Variants in ZNF112 observed in about 807,000 individuals in gnomAD.
ZNF112 encodes zinc finger protein 112 (Y14).
ZNF112 carries 37 observed loss-of-function variants against 77.7 expected under a neutral mutation model. The ratio of observed to expected loss-of-function variants is 0.48; its 90% CI spans 0.37 to 0.63. ZNF112 has a LOEUF of 0.63. ZNF112 is among the 20% of genes least tolerant of loss of function. The pLI, the probability that ZNF112 is intolerant of heterozygous loss-of-function variation, is 0.00. For synonymous variants in ZNF112, 333 were observed against 363.6 expected, an observed-to-expected ratio of 0.92 and a Z score of 0.96; for missense variants, 950 against 1,077.4, an observed-to-expected ratio of 0.88 and a Z score of 1.66.
chr19:44,341,816 C>G (rs960026414), intron 1 of ZNF112, among the ~76,000 whole-genome samples: 1 of 152,188 alleles, frequency 6.6e-6, no homozygotes, highest in Non-Finnish European at 1.5e-5. Flanking sequence ...TTTAAATGAA[C>G]AACTGTTCAG....
intron 1 of ZNF112, among the ~76,000 whole-genome samples, chr19:44,342,096 T>C (rs1970500227): frequency 6.6e-6 from 1 of 152,218 alleles, no homozygotes; most frequent in Non-Finnish European, 1.5e-5. Flanking sequence ...AGTGCCTATA[T>C]ATCCTATGGT....
chr19:44,364,648 A>G (rs1970885518), intron 1 of ZNF112, among the ~76,000 whole-genome samples: 1 of 152,206 alleles, frequency 6.6e-6, no homozygotes, highest in Non-Finnish European at 1.5e-5. Flanking sequence ...AAAAATACAA[A>G]TTAGCAACAC....
In ZNF112 at chr19:44,341,807, T is replaced by G. The variant is rs539680310; in HGVS notation, c.-3-1265A>C. Among the ~76,000 whole-genome samples, 4 of 152,350 alleles carry G rather than the reference T, an allele frequency of 2.6e-5. No homozygotes were observed. In the East Asian group the frequency reaches 7.7e-4, roughly 29 times the overall value. On this transcript the variant is annotated intron_variant, in intron 1 of 3. Transcript: ENST00000354340. ...TTTGCTGTAGGGTAATTTTAAATTTTTAAATGAACAACTGTTCAGTCCCAT... is the reference window on the plus strand; with the variant it reads ...TTTGCTGTAGGGTAATTTTAAATTTGTAAATGAACAACTGTTCAGTCCCAT...
chr19:44,341,593 G>A (rs972457045), intron 1 of ZNF112, among the ~76,000 whole-genome samples: 12 of 152,052 alleles, frequency 7.9e-5, no homozygotes, highest in African/African-American at 2.9e-4. Flanking sequence ...AGTAAATTTG[G>A]GAAGTAAAAA....
rs146381999 is a variant in ZNF112 at position 44,329,748 on chromosome 19, C to A, written c.409G>T (p.Val137Phe). The change falls in exon 4 of 4, where the codon GTT (valine) becomes TTT (phenylalanine). Residue 137 changes from valine (V) to phenylalanine (F), a missense_variant. Val to Phe is a conservative substitution (Grantham distance 50). This residue lies in a region of ZNF112 where 560 missense variants were observed against 557.3 expected (regional missense o/e 1.00). Transcript: ENST00000354340. ...LQEQGNSLGQ[V>F]WAGIPVQISE... The stretch of plus-strand genomic sequence containing the variant: ...ATCTGAACTGGTATTCCTGCCCAAA[C>A]CTGGCCGAGGGAATTACCTTGTTCT... 62 of 1,613,914 alleles carry A rather than the reference C, an allele frequency of 3.8e-5. No homozygotes were observed. Among genetic ancestry groups the A allele is most frequent in the Non-Finnish European group, 4.8e-5 (57 of 1,180,012 alleles).
chr19:44,356,317 A>C (rs1430891742), intron 1 of ZNF112, among the ~76,000 whole-genome samples: 2 of 150,970 alleles, frequency 1.3e-5, no homozygotes, highest in Admixed American at 1.3e-4. Context: ...AGAGATTAAG[A>C]TACTCGCCTG....
chr19:44,347,485 A>ATTTTTTTTTTTTTTTTTTTTTTTTT (rs757226424), intron 1 of ZNF112, among the ~76,000 whole-genome samples: 1 of 40,322 alleles, frequency 2.5e-5, no homozygotes, highest in African/African-American at 7.2e-5. Context: ...TTTTGGGTTG[A>ATTTTTTTTTTTTTTTTTTTTTTTTT]TTTTTTTTTT....
At chr19:44,331,631 G>A (rs1970271861) in intron 3 of ZNF112, among the ~76,000 whole-genome samples, 1 of 152,106 alleles carries the variant, frequency 6.6e-6, no homozygotes, top group Admixed American at 6.6e-5. Context: ...ATTTCTTTGT[G>A]TTTGTCTGCC....
chr19:44,329,848 C>T lies in ZNF112; in HGVS notation c.309G>A (p.Trp103Ter), dbSNP rs1165534871. Residue 103 changes from tryptophan to a stop codon, truncating the protein, a stop_gained, in exon 4 of 4, where the codon TGG becomes TGA. Transcript: ENST00000354340. LOFTEE classifies it high-confidence loss of function. ...SPKELSSRQTWQQSAGGLIRC... is the reference protein window; with the variant it reads ...SPKELSSRQT The stretch of plus-strand genomic sequence containing the variant: ...TGATTAACCCACCTGCACTTTGTTG[C>T]CAGGTCTGACGGGAGGAAAGCTCTT... 2 of 1,613,938 alleles carry T rather than the reference C, an allele frequency of 1.2e-6. No homozygotes were observed. The highest frequency in any genetic ancestry group is 1.7e-6 in the Non-Finnish European group (2 of 1,179,968).
chr19:44,342,802 G>A (rs145640394), intron 1 of ZNF112, among the ~76,000 whole-genome samples: 1,984 of 148,468 alleles, frequency 0.013, 48 homozygotes, highest in African/African-American at 0.047. Flanking sequence ...GCAACAGAGC[G>A]AGACTCCATC....
Position 44,328,973 on chromosome 19 carries a change from C to G in ZNF112, c.1184G>C (p.Cys395Ser), listed in dbSNP as rs780701058. Residue 395 changes from cysteine (C) to serine (S), a missense_variant, in exon 4 of 4, where the codon TGT becomes TCT. Physicochemically the swap from Cys to Ser is moderately radical, Grantham distance 112 (BLOSUM62 -1). Around this residue, in one of 3 missense-constraint regions of ZNF112, gnomAD observed 560 missense variants for 557.3 expected, o/e 1.00. Coordinates refer to ENST00000354340, the MANE Select transcript of ZNF112 (RefSeq NM_013380.4). The stretch of plus-strand genomic sequence containing the variant: ...GTGGATTTTTTGATGGACTTGAAGA[C>G]ATGAACTCTGATTAAAGACATTCTC... ...ENENVFNQSS[C>S]LQVHQKIHTE... 8 of 1,613,964 alleles carry G rather than the reference C, an allele frequency of 5.0e-6. No homozygotes were observed. Among genetic ancestry groups the G allele is most frequent in the Non-Finnish European group, 5.1e-6 (6 of 1,179,958 alleles).
At chr19:44,336,963 C>T (rs1339424576) in intron 2 of ZNF112, among the ~76,000 whole-genome samples, 1 of 151,474 alleles carries the variant, frequency 6.6e-6, no homozygotes, top group Non-Finnish European at 1.5e-5. Flanking sequence ...ACTGCAGCCT[C>T]AACCCCTGGG....
chr19:44,349,980 T>C (rs1191843986), intron 1 of ZNF112, among the ~76,000 whole-genome samples: 1 of 151,978 alleles, frequency 6.6e-6, no homozygotes, highest in Non-Finnish European at 1.5e-5. Flanking sequence ...GTTTGAGTGG[T>C]TGAATGGTTA....
Position 44,328,778 on chromosome 19 carries a change from G to C in ZNF112, c.1379C>G (p.Thr460Ser), listed in dbSNP as rs763704408. ...SHFQDLQIVH[T>S]KEQPYKRYVC... is the part of the protein sequence containing the mutation. ...ATAGCGTTTATATGGTTGTTCCTTA[G>C]TGTGGACTATCTGAAGGTCCTGAAA... Residue 460 changes from threonine (T) to serine (S), a missense_variant, in exon 4 of 4, where the codon ACT (threonine) becomes AGT (serine). Thr to Ser is a moderately conservative substitution (Grantham distance 58). Around this residue, in one of 3 missense-constraint regions of ZNF112, gnomAD observed 560 missense variants for 557.3 expected, o/e 1.00. Transcript: ENST00000354340. The C allele has an allele frequency of 1.9e-6, 3 of 1,614,096 alleles. No individual in the cohort carries two copies. The highest frequency in any genetic ancestry group is 2.5e-6 in the Non-Finnish European group (3 of 1,179,988).
chr19:44,329,627 C>A lies in ZNF112; in HGVS notation c.530G>T (p.Trp177Leu), dbSNP rs754303220. 3.1e-6 allele frequency: 5 copies of A among 1,614,118 alleles called. No individual in the cohort carries two copies. Among genetic ancestry groups the A allele is most frequent in the Non-Finnish European group, 4.2e-6 (5 of 1,180,008 alleles). ...GYPSWRAHHS[W>L]RKMYLKESHN... ...TGACTCTTTCAGATACATTTTCCTC[C>A]AAGAATGATGTGCCCTCCAAGATGG... is the stretch of plus-strand genomic sequence containing the variant. The change falls in exon 4 of 4, where the codon TGG becomes TTG. Residue 177 changes from tryptophan (W) to leucine (L), a missense_variant. Physicochemically the swap from Trp to Leu is moderately conservative, Grantham distance 61. Around this residue, in one of 3 missense-constraint regions of ZNF112, gnomAD observed 560 missense variants for 557.3 expected, o/e 1.00. Transcript: ENST00000354340.
At chr19:44,335,745 C>A (rs918266755) in intron 3 of ZNF112, among the ~76,000 whole-genome samples, 2 of 152,158 alleles carry the variant, frequency 1.3e-5, no homozygotes, top group Non-Finnish European at 2.9e-5. Flanking sequence ...CATGTAGGAC[C>A]CTGAATCTTA....
At chr19:44,347,209 A>C (rs1384856106) in intron 1 of ZNF112, among the ~76,000 whole-genome samples, 2 of 152,152 alleles carry the variant, frequency 1.3e-5, no homozygotes, top group Non-Finnish European at 2.9e-5. Flanking sequence ...TTTGATATTA[A>C]TATAGCCACT....
At chr19:44,344,183 G>T (rs912566294) in intron 1 of ZNF112, among the ~76,000 whole-genome samples, 2 of 152,134 alleles carry the variant, frequency 1.3e-5, no homozygotes, top group Non-Finnish European at 2.9e-5. Flanking sequence ...AATCTCATTG[G>T]TGATGAGAAC....
Position 44,329,087 on chromosome 19 carries a change from A to G in ZNF112, c.1070T>C (p.Ile357Thr), listed in dbSNP as rs201623055. Residue 357 changes from isoleucine to threonine, a missense_variant, in exon 4 of 4, where the codon ATT becomes ACT. Ile to Thr is a moderately conservative substitution (Grantham distance 89, BLOSUM62 -1). Transcript: ENST00000354340. ...HTGEMSYRHN[I>T]YEKAFSHSLD... ...GCTATGACTGAAGGCTTTCTCATAA[A>G]TGTTGTGCCTATAGGACATCTCACC... 5.6e-5 allele frequency: 91 copies of G among 1,613,914 alleles called. No homozygotes were observed. The highest frequency in any genetic ancestry group is 4.2e-6 in the Non-Finnish European group (5 of 1,179,976).
Sources: gnomAD v4.1 joint callset for allele counts (sites outside exome capture counted in the v4.1 genomes callset) on GRCh38, gnomAD v4.1.1 for gene constraint, gnomAD v4.1.1 regional missense constraint, MANE v1.5 for transcripts, NCBI Gene and HGNC (gene_info 2026-07-23, HGNC 2026-07-21) for gene names.